The following MTBP variants were observed in gnomAD, a reference collection of about 807,000 sequenced individuals.
MTBP encodes mdm2-binding protein.
Under a neutral mutation model 117.0 loss-of-function variants are expected in MTBP, and 101 were observed. The ratio of observed to expected loss-of-function variants is 0.86; its 90% confidence interval spans 0.73 to 1.02. MTBP has a LOEUF of 1.02. Among genes scored for constraint, MTBP ranks in the 50% least tolerant of loss-of-function variants. The pLI is 0.00. For synonymous variants in MTBP, 350 were observed against 351.5 expected (o/e 1.00, Z 0.05); for missense variants, 970 against 1,030.9 (o/e 0.94, Z 0.81).
chr8:120,475,795 T>G (rs1813921038), intron 11 of MTBP, among the ~76,000 whole-genome samples: 1 of 151,912 alleles, frequency 6.6e-6, no homozygotes, highest in African/African-American at 2.4e-5. Flanking sequence ...AGAAGACAGA[T>G]GAATAGTGAA....
In MTBP at chr8:120,456,450, A is replaced by G. The variant is rs914211125; in HGVS notation, c.630-103A>G. The G allele has an allele frequency of 6.0e-6, 4 of 665,464 alleles. No homozygotes were observed. In the Admixed American group the frequency reaches 8.2e-5, roughly 14 times the overall value. The allele number at this position is 665,464 out of a possible 1,614,324, so 41.2% of individuals were successfully genotyped here. ...ATATTAATAGGAAAAATACAGCAAT[A>G]TAAATTTTGCAATTTTGCCTCTTAG... On this transcript the variant is annotated intron_variant, in intron 6 of 21. Transcript: ENST00000305949.
At chr8:120,477,792 T>A (rs1336770942) in intron 11 of MTBP, among the ~76,000 whole-genome samples, 3 of 152,174 alleles carry the variant, frequency 2.0e-5, no homozygotes, top group African/African-American at 7.2e-5. Flanking sequence ...GGAACACTTA[T>A]ACACTGTTGG....
At chr8:120,461,821 A>T (rs1813587721) in intron 9 of MTBP, among the ~76,000 whole-genome samples, 1 of 152,150 alleles carries the variant, frequency 6.6e-6, no homozygotes, top group Non-Finnish European at 1.5e-5. Context: ...TTTACTCAAT[A>T]TGTTTCTGCT....
intron 1 of MTBP, 43 bp downstream of exon 1, chr8:120,445,631 G>A (rs1813208301): frequency 6.7e-7 from 1 of 1,496,124 alleles, no homozygotes. Flanking sequence ...CTTGTGGAGA[G>A]GGGAAGAAGT....
In MTBP at chr8:120,463,754, G is replaced by C. The variant is rs1418199763; in HGVS notation, c.1040G>C (p.Cys347Ser). The C allele has an allele frequency of 1.9e-6, 3 of 1,611,536 alleles. No individual in the cohort carries two copies. The African/African-American group carries it at 4.0e-5, about 22-fold the overall frequency. The change falls in exon 10 of 22, where the codon TGT (cysteine) becomes TCT (serine). Residue 347 changes from cysteine to serine, a missense_variant. Transcript: ENST00000305949. Reference protein sequence around the residue: ...VLLLEQISSLCSKVGALFVLP... With the variant: ...VLLLEQISSLSSKVGALFVLP... ...CTGTTGGAGCAGATTTCTTCTCTGTGTAGCAAGGTATTGAGGGTTTCTTGG... is the reference window on the plus strand; with the variant it reads ...CTGTTGGAGCAGATTTCTTCTCTGTCTAGCAAGGTATTGAGGGTTTCTTGG...
chr8:120,485,893 A>G (rs2130575694), intron 11 of MTBP, among the ~76,000 whole-genome samples: 1 of 152,174 alleles, frequency 6.6e-6, no homozygotes, highest in East Asian at 1.9e-4. Context: ...GGCCACATTC[A>G]CCCTGGGAAT....
At chr8:120,495,046 T>G (rs1480676379) in intron 13 of MTBP, among the ~76,000 whole-genome samples, 1 of 152,158 alleles carries the variant, frequency 6.6e-6, no homozygotes, top group Non-Finnish European at 1.5e-5. Context: ...CTTTTCTTCT[T>G]TCAGAATGTT....
intron 7 of MTBP, 35 bp from the exon 8 acceptor site, chr8:120,459,172 TATTCATGA>T: frequency 6.5e-7 from 1 of 1,529,720 alleles, no homozygotes; most frequent in Non-Finnish European, 8.9e-7. Flanking sequence ...TTTATAGCAT[TATTCATGA>T]TACTTGTAAC....
At chr8:120,507,246 A>G (rs1586968997) in intron 16 of MTBP, among the ~76,000 whole-genome samples, 1 of 152,128 alleles carries the variant, frequency 6.6e-6, no homozygotes, top group East Asian at 1.9e-4. Flanking sequence ...GAGCATTGTC[A>G]GGCATGCCTA....
chr8:120,450,376 G>T lies in MTBP; in HGVS notation c.200-627G>T, dbSNP rs977146222. 3.9e-5 allele frequency among the ~76,000 whole-genome samples: 6 copies of T among 152,180 alleles called. No individual in the cohort carries two copies. In the East Asian group the frequency reaches 7.7e-4, roughly 20 times the overall value. ...GGAAGAAAGTGGTAATAAGAATTTA[G>T]CATCTTACCTAGCTTCCTTCCATTA... On this transcript the variant is annotated intron_variant, in intron 2 of 21. Transcript: ENST00000305949.
chr8:120,470,598 T>C (rs1196756689), intron 10 of MTBP, among the ~76,000 whole-genome samples: 1 of 152,230 alleles, frequency 6.6e-6, no homozygotes, highest in African/African-American at 2.4e-5. Flanking sequence ...TTGAATGCCT[T>C]TGCTGTTTTT....
At position 120,497,470 on chromosome 8, in the gene MTBP, C is replaced by A. The variant is rs760606745; in HGVS notation, c.1525C>A (p.His509Asn). 6.2e-7 allele frequency: 1 copy of A among 1,605,162 alleles called. No individual in the cohort carries two copies. Among genetic ancestry groups the A allele is most frequent in the Non-Finnish European group, 8.5e-7 (1 of 1,174,448 alleles). The change falls in exon 14 of 22, where the codon CAC becomes AAC. Residue 509 changes from histidine to asparagine, a missense_variant. His to Asn is a moderately conservative substitution (Grantham distance 68). Transcript: ENST00000305949. ...AAGTCTGTTAGTACTCACAAGGAAA[C>A]ACTTTTTAGATTATTTTGATGCTGT... ...LKSLLVLTRK[H>N]FLDYFDAVIP... is the part of the protein sequence containing the mutation.
At chr8:120,494,079 C>T (rs1223690885) in intron 13 of MTBP, among the ~76,000 whole-genome samples, 1 of 152,160 alleles carries the variant, frequency 6.6e-6, no homozygotes, top group Non-Finnish European at 1.5e-5. Context: ...CCAATGTCCA[C>T]ATTGGTGATG....
chr8:120,518,244 G>C, intron 19 of MTBP, 144 bp downstream of exon 19: 2 of 907,898 alleles, frequency 2.2e-6, no homozygotes, highest in Admixed American at 6.2e-5. Context: ...TGATAGGAAA[G>C]TAGGTGGGGA....
chr8:120,499,240 A>G (rs1269252807), intron 14 of MTBP, among the ~76,000 whole-genome samples: 1 of 152,128 alleles, frequency 6.6e-6, no homozygotes, highest in Non-Finnish European at 1.5e-5. Flanking sequence ...TTCTTTCTGC[A>G]GTGTCCTTTG....
At chr8:120,452,905 G>A (rs1184998909) in intron 4 of MTBP, 1 of 151,874 alleles carries the variant, frequency 6.6e-6, no homozygotes, top group East Asian at 1.9e-4. Flanking sequence ...TCCACAAGGG[G>A]GAGCCTGAAA....
intron 5 of MTBP, 34 bp from the exon 6 acceptor site, chr8:120,455,401 T>TA: frequency 6.7e-7 from 1 of 1,484,750 alleles, no homozygotes; most frequent in Non-Finnish European, 9.1e-7. Flanking sequence ...TCTAACTTTT[T>TA]AAAAATTACA....
At chr8:120,453,928 A>G (rs1178109344) in intron 5 of MTBP, 23 bp downstream of exon 5, 1 of 1,428,276 alleles carries the variant, frequency 7.0e-7, no homozygotes, top group Admixed American at 1.9e-5. Context: ...GACTGCTTTC[A>G]ATAATTTGTA....
intron 11 of MTBP, among the ~76,000 whole-genome samples, chr8:120,475,638 T>C (rs1023759662): frequency 1.7e-4 from 26 of 151,970 alleles, no homozygotes; most frequent in Non-Finnish European, 3.8e-4. Context: ...TAATAGTAAA[T>C]GAATGCCTTT....
Sources: allele counts gnomAD v4.1 joint callset (sites outside exome capture counted in the v4.1 genomes callset), GRCh38; gene constraint gnomAD v4.1.1; transcripts MANE v1.5; gene names NCBI Gene and HGNC (gene_info 2026-07-23, HGNC 2026-07-21).